Variants in FBXL13 observed in about 807,000 individuals in gnomAD.
FBXL13 encodes F-box and leucine rich repeat protein 13, also known as F-box and leucine-rich repeat protein 13.
A neutral mutation model predicts 83.6 loss-of-function variants in FBXL13; 67 were observed. The observed-to-expected ratio is 0.80, with a 90% CI of 0.66 to 0.98. The LOEUF is 0.98. Ranked by LOEUF, FBXL13 falls within the 50% of genes least tolerant of loss-of-function variation. The pLI, the probability that FBXL13 is intolerant of heterozygous loss-of-function variation, is 0.00. For synonymous variants in FBXL13, 272 were observed against 299.5 expected (o/e 0.91, Z 0.95); for missense variants, 822 against 866.5 (o/e 0.95, Z 0.64).
chr7:102,936,923 C>T (rs1019653543), intron 8 of FBXL13, among the ~76,000 whole-genome samples: 20 of 149,956 alleles, frequency 1.3e-4, no homozygotes, highest in African/African-American at 4.9e-4. Context: ...GTGTTTTTTT[C>T]CTTTTTTCCC....
At chr7:102,853,918 C>T (rs146005679) in intron 17 of FBXL13, among the ~76,000 whole-genome samples, 11,185 of 152,062 alleles carry the variant, frequency 0.074, 584 homozygotes, top group Non-Finnish European at 0.11. Context: ...TTTACACTGT[C>T]GGTGGGACTG....
At chr7:102,862,807 CCT>C (rs1390819451) in intron 16 of FBXL13, among the ~76,000 whole-genome samples, 2 of 152,208 alleles carry the variant, frequency 1.3e-5, no homozygotes, top group Admixed American at 1.3e-4. Context: ...ATTACTCTGA[CCT>C]CTGTCTCCAC....
intron 17 of FBXL13, among the ~76,000 whole-genome samples, chr7:102,838,242 G>A (rs1386311087): frequency 6.6e-6 from 1 of 152,144 alleles, no homozygotes; most frequent in Non-Finnish European, 1.5e-5. Flanking sequence ...AGTGGTGTGG[G>A]AATAACACAG....
At chr7:102,940,584 G>T (rs756772419) in intron 8 of FBXL13, among the ~76,000 whole-genome samples, 1 of 152,126 alleles carries the variant, frequency 6.6e-6, no homozygotes, top group Non-Finnish European at 1.5e-5. Context: ...ATCTTGTTTA[G>T]AATAAATTAG....
At chr7:102,954,899 G>T (rs1466343554) in intron 8 of FBXL13, among the ~76,000 whole-genome samples, 1 of 152,042 alleles carries the variant, frequency 6.6e-6, no homozygotes, top group Non-Finnish European at 1.5e-5. Flanking sequence ...AAACAAGTCT[G>T]TAGAGACCTA....
At chr7:103,019,866 T>C (rs1021726970) in intron 6 of FBXL13, among the ~76,000 whole-genome samples, 1 of 152,122 alleles carries the variant, frequency 6.6e-6, no homozygotes, top group African/African-American at 2.4e-5. Flanking sequence ...CAGGACCAGA[T>C]AGATTCACAG....
rs541805154 is a variant in FBXL13 at position 102,879,857 on chromosome 7, C to T, written c.1389-1407G>A. 1.6e-3 allele frequency among the ~76,000 whole-genome samples: 248 copies of T among 152,284 alleles called. 1 individual carries two copies. Among genetic ancestry groups the T allele is most frequent in the African/African-American group, 5.5e-3 (228 of 41,534 alleles). On this transcript the variant is annotated intron_variant, in intron 14 of 19. Coordinates refer to ENST00000313221, the Ensembl canonical transcript of FBXL13. ...GAGTAGCTAGGACTACAGGCGACTG[C>T]CACCATGCCTGGCTAATTCTGTGTA...
chr7:102,823,868 A>G (rs559527223), intron 18 of FBXL13, among the ~76,000 whole-genome samples: 18 of 152,358 alleles, frequency 1.2e-4, no homozygotes, highest in Middle Eastern at 3.4e-3. Context: ...GACCAAGGTT[A>G]AACATTATAA....
At chr7:102,966,187 T>C (rs1354212077) in intron 7 of FBXL13, among the ~76,000 whole-genome samples, 1 of 152,210 alleles carries the variant, frequency 6.6e-6, no homozygotes, top group African/African-American at 2.4e-5. Context: ...CCTGTCTTAA[T>C]TTTATTTTTG....
chr7:102,950,795 A>T (rs1224146331), intron 8 of FBXL13, among the ~76,000 whole-genome samples: 1 of 152,230 alleles, frequency 6.6e-6, no homozygotes, highest in Non-Finnish European at 1.5e-5. Flanking sequence ...ATGACATTCC[A>T]GAAAAGGCAA....
chr7:103,066,906 C>T (rs1798453137), intron 1 of FBXL13, among the ~76,000 whole-genome samples: 1 of 151,946 alleles, frequency 6.6e-6, no homozygotes, highest in South Asian at 2.1e-4. Flanking sequence ...ACTCCCCTGC[C>T]TCAGCCACTC....
chr7:102,988,845 A>C (rs1031018817), intron 6 of FBXL13: 1 of 152,270 alleles, frequency 6.6e-6, no homozygotes, highest in South Asian at 2.1e-4. Flanking sequence ...ATGTGGTTAC[A>C]TATTCACATT....
intron 6 of FBXL13, among the ~76,000 whole-genome samples, chr7:102,986,920 C>CACA (rs1829032596): frequency 6.7e-6 from 1 of 148,374 alleles, no homozygotes; most frequent in East Asian, 1.9e-4. Context: ...AAATGTGATA[C>CACA]ACACACACAC....
At chr7:103,022,579 C>T (rs534259882) in intron 6 of FBXL13, among the ~76,000 whole-genome samples, 3 of 152,084 alleles carry the variant, frequency 2.0e-5, no homozygotes, top group African/African-American at 2.4e-5. Flanking sequence ...AGGGAAAGAA[C>T]TCTTCATTCA....
intron 11 of FBXL13, among the ~76,000 whole-genome samples, chr7:102,904,483 T>G (rs1200751388): frequency 6.6e-6 from 1 of 152,044 alleles, no homozygotes; most frequent in Non-Finnish European, 1.5e-5. Context: ...TGGTGTTATT[T>G]TTTTTCTTAA....
At chr7:102,930,894 A>G (rs1819048744) in intron 9 of FBXL13, among the ~76,000 whole-genome samples, 1 of 152,210 alleles carries the variant, frequency 6.6e-6, no homozygotes, top group Non-Finnish European at 1.5e-5. Context: ...CATTCACTAA[A>G]TATTATTGAA....
intron 18 of FBXL13, chr7:102,827,034 G>C (rs1799859615): frequency 2.5e-6 from 1 of 400,974 alleles, no homozygotes; most frequent in Non-Finnish European, 5.4e-6. Context: ...GCAAGAAGTA[G>C]AGTCTGTTTC....
At chr7:102,978,706 T>C in intron 6 of FBXL13, 1 of 209,018 alleles carries the variant, frequency 4.8e-6, no homozygotes, top group Non-Finnish European at 1.0e-5. Context: ...TCTCGGGGTT[T>C]GAACTGATAC....
chr7:102,877,384 G>T (rs536422470), intron 16 of FBXL13, 83 bp downstream of exon 17: 65 of 1,122,922 alleles, frequency 5.8e-5, no homozygotes, highest in Non-Finnish European at 7.4e-5. Flanking sequence ...ACATATTATT[G>T]TTCTCTCCAT....
Sources: allele counts gnomAD v4.1 joint callset (sites outside exome capture counted in the v4.1 genomes callset), GRCh38; gene constraint gnomAD v4.1.1; transcripts MANE v1.5; gene names NCBI Gene and HGNC (gene_info 2026-07-23, HGNC 2026-07-21).